FAM184B: variants seen among roughly 807,000 people sequenced by gnomAD.
The protein encoded by FAM184B is protein FAM184B.
FAM184B carries 111 observed loss-of-function variants against 135.9 expected under a neutral mutation model. The observed-to-expected ratio is 0.82, with a 90% CI of 0.70 to 0.96. FAM184B has a LOEUF of 0.96. Ranked by LOEUF, FAM184B falls within the 40% of genes least tolerant of loss-of-function variation. The pLI is 0.00. For synonymous variants in FAM184B, 552 were observed against 524.8 expected (o/e 1.05, Z -0.71); for missense variants, 1,375 against 1,323.9 (o/e 1.04, Z -0.60).
At chr4:17,702,032 G>A (rs143449339) in intron 5 of FAM184B, among the ~76,000 whole-genome samples, 10 of 152,276 alleles carry the variant, frequency 6.6e-5, no homozygotes, top group African/African-American at 2.4e-4. Flanking sequence ...CAGGCAATGC[G>A]CAGGGCCCAG....
chr4:17,649,864 CCACT>C (rs1345837084), intron 11 of FAM184B, among the ~76,000 whole-genome samples: 14 of 126,348 alleles, frequency 1.1e-4, no homozygotes, highest in Non-Finnish European at 1.4e-4. Context: ...ATCCATCCAC[CCACT>C]CATCCATCCA....
chr4:17,726,428 A>G (rs1717640032), intron 1 of FAM184B, among the ~76,000 whole-genome samples: 2 of 151,896 alleles, frequency 1.3e-5, no homozygotes, highest in African/African-American at 2.4e-5. Flanking sequence ...CTGGAGTGCC[A>G]TGGCGTGATC....
chr4:17,715,969 C>T (rs1042862265), intron 1 of FAM184B, among the ~76,000 whole-genome samples: 2 of 152,050 alleles, frequency 1.3e-5, no homozygotes, highest in African/African-American at 4.8e-5. Context: ...GCCAGTAAGC[C>T]TGAAGTCTGC....
At chr4:17,641,529 A>G (rs1321335204) in intron 13 of FAM184B, among the ~76,000 whole-genome samples, 1 of 110,582 alleles carries the variant, frequency 9.0e-6, no homozygotes, top group Non-Finnish European at 1.7e-5. Flanking sequence ...CCCAGGCTGG[A>G]GTGCAATGGC....
At chr4:17,688,026 G>A (rs1215507998) in intron 7 of FAM184B, among the ~76,000 whole-genome samples, 1 of 152,160 alleles carries the variant, frequency 6.6e-6, no homozygotes, top group Non-Finnish European at 1.5e-5. Context: ...GCTGTTGTGA[G>A]AGTAAATGAG....
intron 1 of FAM184B, among the ~76,000 whole-genome samples, chr4:17,723,946 C>T (rs1717585965): frequency 6.6e-6 from 1 of 152,156 alleles, no homozygotes; most frequent in Admixed American, 6.6e-5. Flanking sequence ...CACGTCATCA[C>T]ATCCGGGGCA....
At chr4:17,730,133 G>A (rs189175052) in intron 1 of FAM184B, among the ~76,000 whole-genome samples, 104 of 152,316 alleles carry the variant, frequency 6.8e-4, no homozygotes, top group African/African-American at 2.3e-3. Context: ...AGCCCCAGGA[G>A]CCAATGTGAT....
At chr4:17,645,870 C>G (rs1461966918) in intron 12 of FAM184B, among the ~76,000 whole-genome samples, 1 of 151,004 alleles carries the variant, frequency 6.6e-6, no homozygotes, top group Non-Finnish European at 1.5e-5. Context: ...AGAACTCAAA[C>G]AAATTTACAA....
At chr4:17,678,818 T>C (rs1023577852) in intron 7 of FAM184B, among the ~76,000 whole-genome samples, 2 of 152,134 alleles carry the variant, frequency 1.3e-5, no homozygotes, top group Non-Finnish European at 2.9e-5. Flanking sequence ...ATGGTACTGG[T>C]ATAAAAACAG....
Position 17,709,382 on chromosome 4 carries a change from C to T in FAM184B, c.404G>A (p.Arg135Lys). 1.3e-6 allele frequency: 2 copies of T among 1,531,330 alleles called. No homozygotes were observed. The highest frequency in any genetic ancestry group is 1.8e-6 in the Non-Finnish European group (2 of 1,134,778). The allele number at this position is 1,531,330 out of a possible 1,614,324, so 94.9% of individuals were successfully genotyped here. The change falls in exon 2 of 18, where the codon AGG becomes AAG. Residue 135 changes from arginine to lysine, a missense_variant. Transcript: ENST00000265018. ...TCGCTCGGCGTGCTCTGCCTCCACC[C>T]TCAGCTCTCTCTCCTTCGTCTCCAG... ...CRLETKEREL[R>K]VEAEHAERVL...
intron 16 of FAM184B, 145 bp downstream of exon 16, chr4:17,634,864 C>T: frequency 1.8e-6 from 1 of 558,414 alleles, no homozygotes; most frequent in Admixed American, 3.5e-5. Flanking sequence ...ATCCGCCCAG[C>T]CATAGATATA....
chr4:17,694,649 C>T (rs868357328), intron 5 of FAM184B, among the ~76,000 whole-genome samples: 3 of 152,242 alleles, frequency 2.0e-5, no homozygotes, highest in African/African-American at 7.2e-5. Context: ...TTTAGGTAGA[C>T]ATTGTGTTAC....
intron 1 of FAM184B, among the ~76,000 whole-genome samples, chr4:17,735,973 C>T (rs1396643536): frequency 6.6e-6 from 1 of 152,142 alleles, no homozygotes; most frequent in Non-Finnish European, 1.5e-5. Flanking sequence ...ACCAGTTTTA[C>T]AAAAACATCA....
chr4:17,674,309 A>G (rs7677212), intron 7 of FAM184B, among the ~76,000 whole-genome samples: 54,382 of 152,020 alleles, frequency 0.36, 10,234 homozygotes, highest in African/African-American at 0.42. Context: ...GTTTCCCTAT[A>G]CACATAAAAG....
chr4:17,758,009 A>C (rs560934111), intron 1 of FAM184B, among the ~76,000 whole-genome samples: 2 of 152,266 alleles, frequency 1.3e-5, no homozygotes, highest in South Asian at 4.1e-4. Flanking sequence ...CTTGACTTGG[A>C]TGTCTCCCAG....
chr4:17,751,823 GCACACACACA>G lies in FAM184B; in HGVS notation c.141+29326_141+29335del, dbSNP rs3222789. On this transcript the variant is annotated intron_variant, in intron 1 of 17. Transcript: ENST00000265018. ...GGCTGATTCTGGCCCTAAAAACAAG[GCACACACACA>G]CACACACACACACACACACACACAC... is the stretch of plus-strand genomic sequence containing the variant. Among the ~76,000 whole-genome samples, 123 of 115,900 alleles carry G rather than the reference GCACACACACA, an allele frequency of 1.1e-3. 1 individual carries two copies. The highest frequency in any genetic ancestry group is 2.4e-3 in the African/African-American group (77 of 31,630). 76.0% of individuals were successfully genotyped at this position (115,900 alleles called of 152,430 possible). A position where few individuals can be genotyped will look rare whatever the true frequency, so the allele number is the denominator to read the frequency against.
intron 10 of FAM184B, among the ~76,000 whole-genome samples, chr4:17,655,864 G>A (rs751899398): frequency 1.2e-4 from 19 of 152,162 alleles, no homozygotes; most frequent in Admixed American, 3.3e-4. Context: ...TACATGCAGT[G>A]TCCCTTTTGA....
chr4:17,636,244 T>C (rs1715130424), intron 15 of FAM184B, among the ~76,000 whole-genome samples: 1 of 152,108 alleles, frequency 6.6e-6, no homozygotes, highest in African/African-American at 2.4e-5. Context: ...AAGCTGGAAT[T>C]ACAGATGCCC....
chr4:17,647,850 TG>T, intron 11 of FAM184B, 59 bp from the exon 12 acceptor site: 1 of 1,495,618 alleles, frequency 6.7e-7, no homozygotes, highest in South Asian at 1.2e-5. Flanking sequence ...GCCTGTGTCA[TG>T]GGGACAACAG....
Sources: gnomAD v4.1 joint callset for allele counts (sites outside exome capture counted in the v4.1 genomes callset) on GRCh38, gnomAD v4.1.1 for gene constraint, MANE v1.5 for transcripts, NCBI Gene and HGNC (gene_info 2026-07-23, HGNC 2026-07-21) for gene names.